GLDC: variants seen among roughly 807,000 people sequenced by gnomAD.
GLDC encodes the protein glycine dehydrogenase (decarboxylating), mitochondrial.
Under a neutral mutation model 121.3 loss-of-function variants are expected in GLDC, and 104 were observed. The observed-to-expected ratio is 0.86, with a 90% CI of 0.73 to 1.01. GLDC has a LOEUF of 1.01. Among genes scored for constraint, GLDC ranks in the 50% least tolerant of loss-of-function variants. The pLI is 0.00. For missense variants in GLDC, 1,429 were observed against 1,306.6 expected (o/e 1.09, Z -1.44); for synonymous variants, 546 against 480.6 (o/e 1.14, Z -1.78).
At chr9:6,598,042 T>A (rs1019514407) in intron 8 of GLDC, among the ~76,000 whole-genome samples, 4 of 152,214 alleles carry the variant, frequency 2.6e-5, no homozygotes, top group Admixed American at 1.3e-4. Flanking sequence ...CCTTTTTGTT[T>A]TGTAGAGGTG....
At chr9:6,541,935 A>T (rs994359722) in intron 21 of GLDC, 2 of 151,836 alleles carry the variant, frequency 1.3e-5, no homozygotes, top group Non-Finnish European at 2.9e-5. Context: ...AAAAAAAAAA[A>T]AAACTTCAAA....
intron 11 of GLDC, among the ~76,000 whole-genome samples, chr9:6,589,528 C>T (rs1482647880): frequency 6.6e-6 from 1 of 152,130 alleles, no homozygotes; most frequent in Non-Finnish European, 1.5e-5. Context: ...CCCTACTGGG[C>T]TCAATCCTCC....
intron 22 of GLDC, among the ~76,000 whole-genome samples, chr9:6,536,862 C>A (rs1350456137): frequency 6.6e-6 from 1 of 152,136 alleles, no homozygotes; most frequent in Non-Finnish European, 1.5e-5. Flanking sequence ...GAAGTTTGGC[C>A]AGTATGTGGA....
At position 6,554,800 on chromosome 9, in the gene GLDC, C is replaced by T. The variant is rs13440229; in HGVS notation, c.2203-19G>A. 3,471 of 1,591,070 alleles carry T rather than the reference C, an allele frequency of 2.2e-3. 62 individuals are homozygous for T. The African/African-American group carries it at 0.04, about 18-fold the overall frequency. On this transcript the variant is annotated intron_variant, in intron 18 of 24. Coordinates refer to ENST00000321612, the MANE Select transcript of GLDC (RefSeq NM_000170.3). The stretch of plus-strand genomic sequence containing the variant: ...TTCCCACCTACCACAAAGGCAAGGG[C>T]CAAAAGCAAAAGTCAAGAGCTTGGA...
intron 5 of GLDC, chr9:6,605,500 A>C (rs1314191072): frequency 6.8e-6 from 4 of 590,820 alleles, no homozygotes; most frequent in Non-Finnish European, 1.2e-5. Flanking sequence ...CTATCCTCTG[A>C]CTCCCCTTTG....
chr9:6,637,643 T>C (rs1043212585), intron 2 of GLDC, among the ~76,000 whole-genome samples: 4 of 151,946 alleles, frequency 2.6e-5, no homozygotes, highest in African/African-American at 9.7e-5. Flanking sequence ...ATTTTTGTAT[T>C]TTTAGTAGAG....
Position 6,551,893 on chromosome 9 carries a change from C to A in GLDC, c.2458-979G>T, listed in dbSNP as rs189402182. Reference sequence around the variant, plus strand: ...TCGACTTTGTCCAGCCAACCACTGGCTCTCAACCTATGTCTCATGGGGGGA... The same window carrying A: ...TCGACTTTGTCCAGCCAACCACTGGATCTCAACCTATGTCTCATGGGGGGA... On this transcript the variant is annotated intron_variant, in intron 20 of 24. Coordinates refer to ENST00000321612, the MANE Select transcript of GLDC (RefSeq NM_000170.3). 6.9e-4 allele frequency among the ~76,000 whole-genome samples: 105 copies of A among 152,326 alleles called. 1 individual carries two copies. Among genetic ancestry groups the A allele is most frequent in the Admixed American group, 2.5e-3 (39 of 15,304 alleles).
chr9:6,558,733 A>G (rs776910723), intron 16 of GLDC, 49 bp from the exon 17 acceptor site: 2 of 1,605,178 alleles, frequency 1.2e-6, no homozygotes, highest in African/African-American at 2.7e-5. Context: ...TCATCAGACT[A>G]TGAATAATGA....
At chr9:6,535,877 G>T in intron 23 of GLDC, 187 bp downstream of exon 23, 1 of 628,622 alleles carries the variant, frequency 1.6e-6, no homozygotes, top group Non-Finnish European at 2.9e-6. Context: ...CATCATCCTT[G>T]AGTAACTGCT....
At chr9:6,644,029 C>CAAAAAAAAAAAAAAAAAAAAAAAAAA (rs531081758) in intron 2 of GLDC, among the ~76,000 whole-genome samples, 4 of 18,334 alleles carry the variant, frequency 2.2e-4, no homozygotes, top group African/African-American at 4.3e-4. Context: ...GATTCTGTCT[C>CAAAAAAAAAAAAAAAAAAAAAAAAAA]AAAAAAAAAA....
chr9:6,565,825 T>A, intron 15 of GLDC: 1 of 417,748 alleles, frequency 2.4e-6, no homozygotes, highest in Non-Finnish European at 4.3e-6. Context: ...CAATCTTGTT[T>A]CCTATTATAT....
intron 20 of GLDC, among the ~76,000 whole-genome samples, chr9:6,551,974 T>A (rs1053497597): frequency 6.6e-6 from 1 of 152,200 alleles, no homozygotes; most frequent in Non-Finnish European, 1.5e-5. Flanking sequence ...AGTTTGGTTC[T>A]CCTTGGAATG....
chr9:6,640,976 C>A (rs989954455), intron 2 of GLDC, among the ~76,000 whole-genome samples: 2 of 152,106 alleles, frequency 1.3e-5, no homozygotes, highest in Non-Finnish European at 2.9e-5. Flanking sequence ...TTGTTGAGTG[C>A]GTGTGGATGG....
At chr9:6,566,926 A>T (rs1817865918) in intron 15 of GLDC, among the ~76,000 whole-genome samples, 1 of 152,170 alleles carries the variant, frequency 6.6e-6, no homozygotes, top group Non-Finnish European at 1.5e-5. Flanking sequence ...TGAGTGCTAC[A>T]TGCCAAATGG....
At chr9:6,574,625 G>A (rs914963954) in intron 15 of GLDC, among the ~76,000 whole-genome samples, 2 of 152,178 alleles carry the variant, frequency 1.3e-5, no homozygotes, top group Non-Finnish European at 2.9e-5. Context: ...ACTCTTGAGA[G>A]TTAAGGAAAT....
chr9:6,557,325 G>A (rs1817654540), intron 17 of GLDC, among the ~76,000 whole-genome samples: 1 of 152,212 alleles, frequency 6.6e-6, no homozygotes, highest in African/African-American at 2.4e-5. Flanking sequence ...GCCAGGCGTG[G>A]TAGCTCACGC....
intron 3 of GLDC, among the ~76,000 whole-genome samples, chr9:6,618,349 C>A (rs149084196): frequency 3.7e-4 from 56 of 152,252 alleles, no homozygotes; most frequent in Admixed American, 3.1e-3. Context: ...CCTTAACTGC[C>A]CAGGCTGGAG....
At position 6,554,743 on chromosome 9, in the gene GLDC, G is replaced by T; in HGVS notation, c.2241C>A (p.Val747=). The change falls in exon 19 of 25, where the codon GTC becomes GTA. Residue 747 remains valine (V), a synonymous_variant. Transcript: ENST00000321612. Reference sequence around the variant, plus strand: ...AGGTCTTGTGAAGATTTAGGTGCGAGACATCAGACCCGAAGTCTCCAGGGC... The same window carrying T: ...AGGTCTTGTGAAGATTTAGGTGCGATACATCAGACCCGAAGTCTCCAGGGC... ...ICRPGDFGSD[V]SHLNLHKTFC... The T allele has an allele frequency of 6.2e-7, 1 of 1,613,540 alleles. No individual in the cohort carries two copies. The highest frequency in any genetic ancestry group is 8.5e-7 in the Non-Finnish European group (1 of 1,179,926).
intron 15 of GLDC, chr9:6,584,941 AG>A (rs1818239477): frequency 6.6e-6 from 1 of 152,258 alleles, no homozygotes; most frequent in Non-Finnish European, 1.5e-5. Flanking sequence ...AAAGAACACC[AG>A]GTATGTAGGG....
Sources: allele counts gnomAD v4.1 joint callset (sites outside exome capture counted in the v4.1 genomes callset), GRCh38; gene constraint gnomAD v4.1.1; transcripts MANE v1.5; gene names NCBI Gene and HGNC (gene_info 2026-07-23, HGNC 2026-07-21).